RHOA: variants seen among roughly 807,000 people sequenced by gnomAD.
The protein encoded by RHOA is transforming protein RhoA.
RHOA carries 3 observed loss-of-function variants against 17.5 expected under a neutral mutation model. The observed-to-expected ratio is 0.17, with a 90% CI of 0.08 to 0.44. The LOEUF (loss-of-function observed/expected upper bound fraction) is 0.44, where lower values mean the gene tolerates loss of function less well. Among genes scored for constraint, RHOA ranks in the 20% least tolerant of loss-of-function variants. The pLI, the probability that RHOA is intolerant of heterozygous loss-of-function variation, is 0.99. For missense variants in RHOA, 56 were observed against 242.3 expected, an observed-to-expected ratio of 0.23 and a Z score of 5.10; for synonymous variants, 98 against 88.4, an observed-to-expected ratio of 1.11 and a Z score of -0.61.
In RHOA at chr3:49,397,127, C is replaced by T. The variant is rs1162321235; in HGVS notation, c.-3+14693G>A. 4.8e-5 allele frequency among the ~76,000 whole-genome samples: 5 copies of T among 105,228 alleles called. No individual in the cohort carries two copies. In the East Asian group the frequency reaches 1.1e-3, roughly 24 times the overall value. 69.0% of individuals were successfully genotyped at this position (105,228 alleles called of 152,430 possible). A position where few individuals can be genotyped will look rare whatever the true frequency, so the allele number is the denominator to read the frequency against. On this transcript the variant is annotated intron_variant, in intron 1 of 4. Coordinates refer to ENST00000418115, the MANE Select transcript of RHOA (RefSeq NM_001664.4). ...CCTGGGTGACAGAGCAAAATCCTGT[C>T]TCAAAAAAAAAAAAAAAAAAAGTCA...
chr3:49,402,704 G>C (rs2048746063), intron 1 of RHOA, among the ~76,000 whole-genome samples: 1 of 151,852 alleles, frequency 6.6e-6, no homozygotes, highest in African/African-American at 2.4e-5. Context: ...CATATTCTAG[G>C]AAGCCAAGCA....
chr3:49,389,019 A>C (rs1248289933), intron 1 of RHOA, among the ~76,000 whole-genome samples: 7 of 152,176 alleles, frequency 4.6e-5, no homozygotes, highest in Non-Finnish European at 1.0e-4. Flanking sequence ...TATTTGTATG[A>C]AATATCCAGA....
At chr3:49,409,860 G>A (rs2048903396) in intron 1 of RHOA, among the ~76,000 whole-genome samples, 1 of 152,138 alleles carries the variant, frequency 6.6e-6, no homozygotes, top group South Asian at 2.1e-4. Flanking sequence ...ACAGTCAAAA[G>A]TGCCCACAGT....
chr3:49,383,060 A>G (rs1020894978), intron 1 of RHOA, among the ~76,000 whole-genome samples: 6 of 145,704 alleles, frequency 4.1e-5, no homozygotes, highest in African/African-American at 1.5e-4. Context: ...ATCGTATCAG[A>G]AAAAAAAAAA....
chr3:49,368,160 G>A lies in RHOA; in HGVS notation c.277+268C>T, dbSNP rs1197623896. ...CTCCTGACCCTCAGGTGATCCACCC[G>A]TCTGGACCTCCCAAAGCGCAGGGAT... On this transcript the variant is annotated intron_variant, in intron 3 of 4. Coordinates refer to ENST00000418115, the MANE Select transcript of RHOA (RefSeq NM_001664.4). 5.3e-5 allele frequency among the ~76,000 whole-genome samples: 8 copies of A among 152,142 alleles called. 1 individual carries two copies. Among genetic ancestry groups the A allele is most frequent in the South Asian group, 4.2e-4 (2 of 4,818 alleles).
intron 1 of RHOA, among the ~76,000 whole-genome samples, chr3:49,398,839 C>CAAAAAAAAA (rs71080506): frequency 8.4e-5 from 3 of 35,660 alleles, no homozygotes; most frequent in African/African-American, 2.9e-4. Flanking sequence ...GACTCCGTCT[C>CAAAAAAAAA]AAAAAAAAAA....
chr3:49,382,107 AAGG>A (rs1400300416), intron 1 of RHOA, among the ~76,000 whole-genome samples: 2 of 149,402 alleles, frequency 1.3e-5, no homozygotes, highest in African/African-American at 4.9e-5. Context: ...ATCACGAGGT[AAGG>A]AGATCGAGAC....
At chr3:49,394,488 T>C (rs535236748) in intron 1 of RHOA, among the ~76,000 whole-genome samples, 3 of 152,234 alleles carry the variant, frequency 2.0e-5, no homozygotes, top group Admixed American at 1.3e-4. Context: ...GTAACTAGAA[T>C]TACAGGTGCG....
At chr3:49,397,780 AC>A (rs1306214547) in intron 1 of RHOA, among the ~76,000 whole-genome samples, 1 of 152,166 alleles carries the variant, frequency 6.6e-6, no homozygotes, top group African/African-American at 2.4e-5. Flanking sequence ...CTTAGATAGA[AC>A]AATGGACTCC....
At chr3:49,383,294 C>G (rs1250914794) in intron 1 of RHOA, among the ~76,000 whole-genome samples, 2 of 151,354 alleles carry the variant, frequency 1.3e-5, no homozygotes, top group African/African-American at 4.9e-5. Flanking sequence ...GTGGCAGGCG[C>G]CTGTAGTCCC....
intron 2 of RHOA, among the ~76,000 whole-genome samples, chr3:49,371,938 G>A (rs535369997): frequency 5.1e-4 from 77 of 152,314 alleles, no homozygotes; most frequent in Non-Finnish European, 9.8e-4. Flanking sequence ...AGATGGAAAA[G>A]ACCCTTCCAG....
intron 2 of RHOA, among the ~76,000 whole-genome samples, chr3:49,369,006 CTTTTTTTT>C (rs1160140765): frequency 1.0e-4 from 6 of 59,706 alleles, no homozygotes; most frequent in East Asian, 9.5e-4. Context: ...CGCGCCTGGC[CTTTTTTTT>C]TTTTTTTTTT....
intron 4 of RHOA, among the ~76,000 whole-genome samples, chr3:49,362,143 C>T (rs1218724485): frequency 2.0e-5 from 3 of 152,002 alleles, no homozygotes; most frequent in African/African-American, 4.8e-5. Flanking sequence ...GCTGAGATTG[C>T]GCCACTGCAC....
intron 1 of RHOA, among the ~76,000 whole-genome samples, chr3:49,391,823 C>CTTTT (rs59591685): frequency 5.5e-4 from 55 of 99,654 alleles, no homozygotes; most frequent in Non-Finnish European, 8.5e-4. Context: ...ATTAATTTAT[C>CTTTT]TTTTTTTTTT....
At chr3:49,371,184 A>G (rs2048141671) in intron 2 of RHOA, among the ~76,000 whole-genome samples, 1 of 152,082 alleles carries the variant, frequency 6.6e-6, no homozygotes, top group Admixed American at 6.6e-5. Flanking sequence ...AGTCTGTCTC[A>G]TATCAAAAGG....
At chr3:49,406,955 C>G (rs2048841015) in intron 1 of RHOA, 1 of 152,050 alleles carries the variant, frequency 6.6e-6, no homozygotes, top group Non-Finnish European at 1.5e-5. Flanking sequence ...CCATCCTGGC[C>G]AACATGGTGA....
At chr3:49,360,851 G>A (rs1011168222) in intron 4 of RHOA, 13 of 239,038 alleles carry the variant, frequency 5.4e-5, no homozygotes, top group South Asian at 7.0e-5. Flanking sequence ...TGAGCTGGGC[G>A]GATCACGAGT....
intron 1 of RHOA, among the ~76,000 whole-genome samples, chr3:49,395,015 C>A (rs568799881): frequency 6.6e-6 from 1 of 151,298 alleles, no homozygotes; most frequent in Non-Finnish European, 1.5e-5. Context: ...TTTGGGAGGC[C>A]GAGGCGGGCA....
At chr3:49,409,456 T>C (rs1374767112) in intron 1 of RHOA, among the ~76,000 whole-genome samples, 2 of 152,282 alleles carry the variant, frequency 1.3e-5, no homozygotes, top group African/African-American at 2.4e-5. Context: ...AGTGACTATG[T>C]ACTATTTATC....
Sources: allele counts gnomAD v4.1 joint callset (sites outside exome capture counted in the v4.1 genomes callset), GRCh38; gene constraint gnomAD v4.1.1; transcripts MANE v1.5; gene names NCBI Gene and HGNC (gene_info 2026-07-23, HGNC 2026-07-21).